The following DLGAP2 variants were observed in gnomAD, a reference collection of about 807,000 sequenced individuals.
DLGAP2 encodes disks large-associated protein 2.
DLGAP2 carries 26 observed loss-of-function variants against 100.3 expected under a neutral mutation model. The ratio of observed to expected loss-of-function variants is 0.26; its 90% CI spans 0.19 to 0.36. The LOEUF is 0.36. Among genes scored for constraint, DLGAP2 ranks in the 10% least tolerant of loss-of-function variants. The pLI, the probability that DLGAP2 is intolerant of heterozygous loss-of-function variation, is 1.00. For synonymous variants in DLGAP2, 886 were observed against 630.1 expected, an observed-to-expected ratio of 1.41 and a Z score of -6.08; for missense variants, 1,858 against 1,453.2, an observed-to-expected ratio of 1.28 and a Z score of -4.53.
At chr8:1,287,249 A>G (rs1297601778) in intron 3 of DLGAP2, among the ~76,000 whole-genome samples, 1 of 92,616 alleles carries the variant, frequency 1.1e-5, no homozygotes, top group Non-Finnish European at 2.0e-5. Flanking sequence ...TAGGAGGGGA[A>G]CTAGTTTTAG....
intron 7 of DLGAP2, 78 bp from the exon 8 acceptor site, chr8:1,632,749 C>T (rs533480207): frequency 1.1e-5 from 16 of 1,406,482 alleles, no homozygotes; most frequent in South Asian, 5.6e-5. Context: ...TGGGAATGAG[C>T]GCGCTCTCCT....
intron 2 of DLGAP2, among the ~76,000 whole-genome samples, chr8:1,138,547 A>C (rs1796464015): frequency 6.6e-6 from 1 of 152,238 alleles, no homozygotes. Flanking sequence ...AGAGAGGGAC[A>C]CAGGCAGCCC....
chr8:1,313,475 G>A (rs1264396954), intron 3 of DLGAP2, among the ~76,000 whole-genome samples: 2 of 152,058 alleles, frequency 1.3e-5, no homozygotes, highest in African/African-American at 4.8e-5. Flanking sequence ...CCTTAATTAT[G>A]GAGAATGGTA....
chr8:1,563,618 G>A (rs1179707091), intron 5 of DLGAP2, among the ~76,000 whole-genome samples: 1 of 152,066 alleles, frequency 6.6e-6, no homozygotes, highest in African/African-American at 2.4e-5. Context: ...CCATGGTAAG[G>A]GGAGCTCCTG....
At chr8:924,953 A>G (rs1406030554) in intron 2 of DLGAP2, among the ~76,000 whole-genome samples, 1 of 152,170 alleles carries the variant, frequency 6.6e-6, no homozygotes, top group African/African-American at 2.4e-5. Flanking sequence ...ATTGATAATT[A>G]TGTTGATAAT....
intron 8 of DLGAP2, among the ~76,000 whole-genome samples, chr8:1,657,221 T>C (rs547055069): frequency 6.6e-6 from 1 of 152,246 alleles, no homozygotes; most frequent in Non-Finnish European, 1.5e-5. Context: ...TGTTTAGTAA[T>C]CTCTGTCTCT....
intron 2 of DLGAP2, among the ~76,000 whole-genome samples, chr8:1,166,170 G>C (rs1004262907): frequency 6.6e-6 from 1 of 152,124 alleles, no homozygotes; most frequent in Admixed American, 6.5e-5. Context: ...GGTCTTGTTT[G>C]TCTTACAGCG....
At chr8:831,525 T>A (rs1796783433) in intron 1 of DLGAP2, among the ~76,000 whole-genome samples, 1 of 152,174 alleles carries the variant, frequency 6.6e-6, no homozygotes, top group Non-Finnish European at 1.5e-5. Context: ...TTCATCCATG[T>A]CCCTGCAAAG....
intron 1 of DLGAP2, among the ~76,000 whole-genome samples, chr8:872,297 C>T (rs1208407924): frequency 6.6e-6 from 1 of 150,422 alleles, no homozygotes; most frequent in Non-Finnish European, 1.5e-5. Flanking sequence ...AGCTAAAGTT[C>T]CTTTCAACAG....
At chr8:1,603,284 G>A (rs914329152) in intron 6 of DLGAP2, among the ~76,000 whole-genome samples, 1 of 151,010 alleles carries the variant, frequency 6.6e-6, no homozygotes, top group African/African-American at 2.4e-5. Context: ...GTTCTGTAGA[G>A]GCTGGTTAGA....
chr8:1,648,890 A>G (rs538418538), intron 8 of DLGAP2, among the ~76,000 whole-genome samples: 2 of 152,280 alleles, frequency 1.3e-5, no homozygotes, highest in African/African-American at 4.8e-5. Context: ...TCTCACTTGA[A>G]ATGGGAAGAA....
chr8:1,358,983 C>T (rs1336779196), intron 3 of DLGAP2, among the ~76,000 whole-genome samples: 1 of 152,186 alleles, frequency 6.6e-6, no homozygotes, highest in Non-Finnish European at 1.5e-5. Context: ...TGAAACTTCC[C>T]TGCACATCAG....
chr8:1,331,090 T>A (rs956090103), intron 3 of DLGAP2, among the ~76,000 whole-genome samples: 12 of 152,210 alleles, frequency 7.9e-5, no homozygotes, highest in African/African-American at 2.9e-4. Flanking sequence ...CCTAGCTGGC[T>A]TAGCTGCCTG....
chr8:852,690 G>T (rs916735966), intron 1 of DLGAP2, among the ~76,000 whole-genome samples: 1 of 152,128 alleles, frequency 6.6e-6, no homozygotes, highest in Non-Finnish European at 1.5e-5. Flanking sequence ...TAACACCTTG[G>T]CTACTTCAAC....
intron 2 of DLGAP2, among the ~76,000 whole-genome samples, chr8:1,172,881 C>T (rs547109471): frequency 1.8e-4 from 27 of 152,338 alleles, no homozygotes; most frequent in Middle Eastern, 3.4e-3. Flanking sequence ...TCTCTCATCT[C>T]GTCAAAGTCA....
rs535869408 is a variant in DLGAP2 at position 874,683 on chromosome 8, G to A, written c.19-33229G>A. ...TGCATTTGAGAAGATCGTATATTCT[G>A]CTGCTGTTGTTGGATGGAATGTTGT... On this transcript the variant is annotated intron_variant, in intron 1 of 14. Coordinates refer to ENST00000637795, the MANE Select transcript of DLGAP2 (RefSeq NM_001346810.2). Among the ~76,000 whole-genome samples, 20 of 152,238 alleles carry A rather than the reference G, an allele frequency of 1.3e-4. No individual in the cohort carries two copies. In the South Asian group the frequency reaches 3.9e-3, roughly 30 times the overall value.
At chr8:1,567,478 A>C (rs182592274) in intron 6 of DLGAP2, among the ~76,000 whole-genome samples, 2 of 152,312 alleles carry the variant, frequency 1.3e-5, no homozygotes, top group Non-Finnish European at 1.5e-5. Flanking sequence ...ACATGAAAAA[A>C]CCAAAGCCTT....
chr8:1,541,907 G>A (rs1584907925), intron 4 of DLGAP2, among the ~76,000 whole-genome samples: 1 of 152,198 alleles, frequency 6.6e-6, no homozygotes, highest in Non-Finnish European at 1.5e-5. Context: ...TCATGGTCAC[G>A]GAACGTTAAG....
intron 1 of DLGAP2, among the ~76,000 whole-genome samples, chr8:838,893 C>T (rs1264687040): frequency 6.6e-6 from 1 of 152,230 alleles, no homozygotes; most frequent in Non-Finnish European, 1.5e-5. Flanking sequence ...TTATGACAAA[C>T]AGCATCTGAA....
Sources: allele counts gnomAD v4.1 joint callset (sites outside exome capture counted in the v4.1 genomes callset), GRCh38; gene constraint gnomAD v4.1.1; transcripts MANE v1.5; gene names NCBI Gene and HGNC (gene_info 2026-07-23, HGNC 2026-07-21).